The following CDH4 variants were observed in gnomAD, a reference collection of about 807,000 sequenced individuals.
CDH4 encodes the protein cadherin 4.
Under a neutral mutation model 86.0 loss-of-function variants are expected in CDH4, and 33 were observed. The ratio of observed to expected loss-of-function variants is 0.38; its 90% confidence interval spans 0.29 to 0.51. The LOEUF (loss-of-function observed/expected upper bound fraction) is 0.51. CDH4 is among the 20% of genes least tolerant of loss of function. The pLI, the probability that CDH4 is intolerant of heterozygous loss-of-function variation, is 0.86. For missense variants in CDH4, 1,114 were observed against 1,307.4 expected (o/e 0.85, Z 2.28); for synonymous variants, 555 against 549.4 (o/e 1.01, Z -0.14).
chr20:61,262,420 G>A (rs80326121), intron 2 of CDH4, among the ~76,000 whole-genome samples: 20,898 of 152,110 alleles, frequency 0.14, 1,513 homozygotes, highest in African/African-American at 0.18. Flanking sequence ...AACCCCTTGC[G>A]GCGAAGCCCC....
intron 2 of CDH4, among the ~76,000 whole-genome samples, chr20:61,472,974 C>G (rs901640752): frequency 6.6e-6 from 1 of 152,044 alleles, no homozygotes; most frequent in Non-Finnish European, 1.5e-5. Flanking sequence ...AGTTGGTGGA[C>G]TATACCCAAC....
At chr20:61,306,316 G>T (rs2084416934) in intron 2 of CDH4, among the ~76,000 whole-genome samples, 1 of 147,908 alleles carries the variant, frequency 6.8e-6, no homozygotes, top group Non-Finnish European at 1.5e-5. Flanking sequence ...ACTGAGTGAT[G>T]CCGGTAAGTT....
chr20:61,269,873 A>G lies in CDH4; in HGVS notation c.169+14936A>G, dbSNP rs6101286. Among the ~76,000 whole-genome samples the G allele has an allele frequency of 0.83, 125,687 of 152,194 alleles. 52,111 individuals carry two copies. Among genetic ancestry groups the G allele is most frequent in the Non-Finnish European group, 0.85 (58,031 of 68,022 alleles). The stretch of plus-strand genomic sequence containing the variant: ...CGGACCTCCAGAGCCAGTGGTACTC[A>G]TTTCCACATGGCCCCGGCTGTTGAC... On this transcript the variant is annotated intron_variant, in intron 2 of 15. Coordinates refer to ENST00000614565, the MANE Select transcript of CDH4 (RefSeq NM_001794.5). This position sits in a 1 kb window ranked among gnomAD's most constrained non-coding sequence, Gnocchi z 5.3.
intron 2 of CDH4, among the ~76,000 whole-genome samples, chr20:61,618,619 A>G (rs1287648154): frequency 2.6e-5 from 4 of 152,136 alleles, no homozygotes; most frequent in Non-Finnish European, 4.4e-5. Context: ...AGCACCCGGC[A>G]TGGTCCTGGT....
At chr20:61,402,895 CT>C (rs1295009327) in intron 2 of CDH4, among the ~76,000 whole-genome samples, 4 of 152,236 alleles carry the variant, frequency 2.6e-5, no homozygotes, top group African/African-American at 9.6e-5. Context: ...TCCATTTTTC[CT>C]TTCTTCCTTA....
intron 2 of CDH4, among the ~76,000 whole-genome samples, chr20:61,575,740 A>C (rs766456233): frequency 2.0e-5 from 3 of 152,170 alleles, no homozygotes; most frequent in Admixed American, 6.5e-5. Flanking sequence ...ACCTTACCCA[A>C]CCTGAGAGAT....
At chr20:61,775,700 GGAGT>G (rs2088832875) in intron 4 of CDH4, among the ~76,000 whole-genome samples, 1 of 152,166 alleles carries the variant, frequency 6.6e-6, no homozygotes, top group South Asian at 2.1e-4. Flanking sequence ...CATTATTTGT[GGAGT>G]GAGTGAGCAG....
chr20:61,446,789 G>A (rs1272862428), intron 2 of CDH4, among the ~76,000 whole-genome samples: 1 of 152,090 alleles, frequency 6.6e-6, no homozygotes, highest in Non-Finnish European at 1.5e-5. Flanking sequence ...CTTAACCCAG[G>A]GTATGTGTTG....
At chr20:61,788,662 G>C (rs998297807) in intron 4 of CDH4, among the ~76,000 whole-genome samples, 1 of 152,194 alleles carries the variant, frequency 6.6e-6, no homozygotes, top group Non-Finnish European at 1.5e-5. Flanking sequence ...GATATTTGAT[G>C]TTTCCTGTTA....
chr20:61,423,514 C>A (rs535185261), intron 2 of CDH4, among the ~76,000 whole-genome samples: 1 of 152,296 alleles, frequency 6.6e-6, no homozygotes, highest in South Asian at 2.1e-4. Context: ...ATCTCCATTT[C>A]TTTAGTTCTG....
chr20:61,599,918 A>G, intron 2 of CDH4: 1 of 985,508 alleles, frequency 1.0e-6, no homozygotes, highest in Non-Finnish European at 1.2e-6. Flanking sequence ...AAAGGGAGGA[A>G]GGAGTCCCAG....
intron 3 of CDH4, among the ~76,000 whole-genome samples, chr20:61,746,015 C>T (rs751128390): frequency 2.6e-5 from 4 of 152,196 alleles, no homozygotes; most frequent in Non-Finnish European, 4.4e-5. Flanking sequence ...GCAGGAAGCA[C>T]CCAACCAGCG....
At position 61,623,796 on chromosome 20, in the gene CDH4, G is replaced by A. The variant is rs1275236541; in HGVS notation, c.170-119767G>A. 1.3e-5 allele frequency among the ~76,000 whole-genome samples: 2 copies of A among 152,018 alleles called. No homozygotes were observed. Among genetic ancestry groups the A allele is most frequent in the African/African-American group, 2.4e-5 (1 of 41,378 alleles). On this transcript the variant is annotated intron_variant, in intron 2 of 15. Coordinates refer to ENST00000614565, the MANE Select transcript of CDH4 (RefSeq NM_001794.5). This position sits in a 1 kb window ranked among gnomAD's most constrained non-coding sequence, Gnocchi z 4.4. The stretch of plus-strand genomic sequence containing the variant: ...GCAGGAAAGACACGGTTCCTAGAGC[G>A]AGGAACACCCCAGAATCTGAGCAGG...
chr20:61,760,624 G>A (rs903497678), intron 3 of CDH4, among the ~76,000 whole-genome samples: 6 of 152,236 alleles, frequency 3.9e-5, no homozygotes, highest in East Asian at 1.9e-4. Flanking sequence ...TCGGTGCACC[G>A]ACACCATGGC....
chr20:61,514,095 T>A (rs1464774602), intron 2 of CDH4, among the ~76,000 whole-genome samples: 1 of 152,170 alleles, frequency 6.6e-6, no homozygotes, highest in Non-Finnish European at 1.5e-5. Flanking sequence ...TAAATCAATA[T>A]GTGGCTTAAA....
chr20:61,420,003 C>A (rs1485491288), intron 2 of CDH4, among the ~76,000 whole-genome samples: 1 of 152,214 alleles, frequency 6.6e-6, no homozygotes, highest in Non-Finnish European at 1.5e-5. Context: ...TGTGCATTCT[C>A]ATTGAATTCC....
chr20:61,254,360 AG>A (rs1254252560), intron 1 of CDH4, among the ~76,000 whole-genome samples: 11 of 152,190 alleles, frequency 7.2e-5, no homozygotes. Flanking sequence ...GGTGACCTGG[AG>A]AGGAGACAAG....
At chr20:61,809,651 C>A (rs1450884997) in intron 4 of CDH4, among the ~76,000 whole-genome samples, 1 of 152,176 alleles carries the variant, frequency 6.6e-6, no homozygotes, top group Non-Finnish European at 1.5e-5. Context: ...TGACAATGGG[C>A]AGATGAGGAG....
rs989765883 is a variant in CDH4, at chr20:61,448,084, G to T, written c.169+193147G>T. Among the ~76,000 whole-genome samples the T allele has an allele frequency of 2.5e-4, 38 of 152,306 alleles. No homozygotes were observed. In the Middle Eastern group the frequency reaches 0.01, roughly 41 times the overall value. ...TTCCATACCTAATCAAGGTAGAAAAGAACCAAAAGGATCTTAAAAGTGGGT... is the reference window on the plus strand; with the variant it reads ...TTCCATACCTAATCAAGGTAGAAAATAACCAAAAGGATCTTAAAAGTGGGT... On this transcript the variant is annotated intron_variant, in intron 2 of 15. Coordinates refer to ENST00000614565, the MANE Select transcript of CDH4 (RefSeq NM_001794.5).
Sources: allele counts gnomAD v4.1 joint callset (sites outside exome capture counted in the v4.1 genomes callset), GRCh38; gene constraint gnomAD v4.1.1; non-coding constraint Gnocchi (gnomAD v3.1); transcripts MANE v1.5; gene names NCBI Gene and HGNC (gene_info 2026-07-23, HGNC 2026-07-21).